SDK1: variants seen among roughly 807,000 people sequenced by gnomAD.
SDK1 encodes the protein protein sidekick-1.
In SDK1, 157 loss-of-function variants were observed where a neutral mutation model predicts 245.5. The ratio of observed to expected loss-of-function variants is 0.64; its 90% CI spans 0.56 to 0.73. SDK1 has a LOEUF of 0.73. SDK1 is among the 30% of genes least tolerant of loss of function. The probability of loss-of-function intolerance (pLI) is 0.00; values close to 1 mark genes in which losing one functional copy is unlikely to be tolerated. For missense variants in SDK1, 3,583 were observed against 3,002.3 expected (o/e 1.19, Z -4.52); for synonymous variants, 1,647 against 1,278.5 (o/e 1.29, Z -6.15).
At position 4,243,919 on chromosome 7, in the gene SDK1, G is replaced by A. The variant is rs183224569; in HGVS notation, c.6252-1757G>A. ...GTTGATTTATGTCTCCCCCGTGCAC[G>A]TTTGTGCTTCCAATTTCTTTTTGGG... On this transcript the variant is annotated intron_variant, in intron 43 of 44. Coordinates refer to ENST00000404826, the MANE Select transcript of SDK1 (RefSeq NM_152744.4). Among the ~76,000 whole-genome samples, 8 of 152,314 alleles carry A rather than the reference G, an allele frequency of 5.3e-5. No individual in the cohort carries two copies. The East Asian group carries it at 5.8e-4, about 11-fold the overall frequency.
chr7:3,972,160 A>G (rs1365327426), intron 12 of SDK1, among the ~76,000 whole-genome samples: 2 of 150,550 alleles, frequency 1.3e-5, no homozygotes, highest in African/African-American at 2.5e-5. Flanking sequence ...GCTCACTGCA[A>G]GCTCCACCTC....
intron 5 of SDK1, among the ~76,000 whole-genome samples, chr7:3,911,635 A>C (rs906924636): frequency 6.6e-6 from 1 of 152,074 alleles, no homozygotes; most frequent in Non-Finnish European, 1.5e-5. Context: ...TTTTGGGAGG[A>C]CACATTCAAA....
chr7:4,045,483 C>T lies in SDK1; in HGVS notation c.2603-3865C>T, dbSNP rs530479846. 1.6e-4 allele frequency among the ~76,000 whole-genome samples: 24 copies of T among 152,102 alleles called. 1 individual carries two copies. The South Asian group carries it at 4.8e-3, about 30-fold the overall frequency. On this transcript the variant is annotated intron_variant, in intron 17 of 44. Transcript: ENST00000404826. ...CTGGTTTCAACCTCCTGGGCTCAAGCGATCCTCCCACCTCGGCCTCCCAAA... is the reference window on the plus strand; with the variant it reads ...CTGGTTTCAACCTCCTGGGCTCAAGTGATCCTCCCACCTCGGCCTCCCAAA...
chr7:3,375,591 C>T (rs376898709), intron 1 of SDK1, among the ~76,000 whole-genome samples: 1 of 152,132 alleles, frequency 6.6e-6, no homozygotes, highest in Non-Finnish European at 1.5e-5. Flanking sequence ...GTCTTGTGCT[C>T]CCTTGCATCA....
At chr7:3,644,119 C>T (rs986764353) in intron 4 of SDK1, among the ~76,000 whole-genome samples, 3 of 150,798 alleles carry the variant, frequency 2.0e-5, no homozygotes, top group East Asian at 2.0e-4. Context: ...CCAGGCTAGT[C>T]TCGAAGTCCT....
rs1019187312 is a variant in SDK1, at chr7:3,974,565, G to C, written c.1994+20G>C. On this transcript the variant is annotated intron_variant, in intron 13 of 44. Transcript: ENST00000404826. Reference sequence around the variant, plus strand: ...AGTGATGTGAGTACTGAGACGTTTGGTGTTAGCCAGTCCGCGGTTTTCTCC... The same window carrying C: ...AGTGATGTGAGTACTGAGACGTTTGCTGTTAGCCAGTCCGCGGTTTTCTCC... 2 of 1,606,720 alleles carry C rather than the reference G, an allele frequency of 1.2e-6. No individual in the cohort carries two copies. Among genetic ancestry groups the C allele is most frequent in the Non-Finnish European group, 1.7e-6 (2 of 1,173,960 alleles).
At chr7:4,153,946 A>C (rs571916795) in intron 30 of SDK1, among the ~76,000 whole-genome samples, 1 of 151,974 alleles carries the variant, frequency 6.6e-6, no homozygotes, top group Non-Finnish European at 1.5e-5. Flanking sequence ...CTCCCACAGT[A>C]CTGGGATTAC....
At chr7:3,538,206 ATTTG>A (rs1778946930) in intron 1 of SDK1, among the ~76,000 whole-genome samples, 2 of 152,114 alleles carry the variant, frequency 1.3e-5, no homozygotes, top group Non-Finnish European at 2.9e-5. Flanking sequence ...TACATTGGCC[ATTTG>A]TTTGTCCCAT....
At chr7:3,388,545 T>G (rs1781666635) in intron 1 of SDK1, among the ~76,000 whole-genome samples, 1 of 152,134 alleles carries the variant, frequency 6.6e-6, no homozygotes, top group Non-Finnish European at 1.5e-5. Flanking sequence ...TTATTAAATC[T>G]CATTTAGAAA....
chr7:3,348,622 C>A (rs4722710), intron 1 of SDK1, among the ~76,000 whole-genome samples: 90,055 of 151,984 alleles, frequency 0.59, 27,642 homozygotes, highest in African/African-American at 0.77. Flanking sequence ...GGGCTATGGG[C>A]TCGTCTGCAC....
intron 1 of SDK1, among the ~76,000 whole-genome samples, chr7:3,365,109 T>G (rs1166566046): frequency 6.6e-6 from 1 of 152,216 alleles, no homozygotes; most frequent in Non-Finnish European, 1.5e-5. Context: ...TCCTGTGACC[T>G]TGCTGATTTG....
chr7:3,564,056 G>A (rs1241971764), intron 1 of SDK1, among the ~76,000 whole-genome samples: 2 of 151,884 alleles, frequency 1.3e-5, no homozygotes, highest in Non-Finnish European at 2.9e-5. Context: ...GTACTTAAAA[G>A]GACTTTATAG....
At chr7:3,960,563 G>A (rs1036344822) in intron 8 of SDK1, among the ~76,000 whole-genome samples, 3 of 152,188 alleles carry the variant, frequency 2.0e-5, no homozygotes, top group African/African-American at 7.2e-5. Context: ...TAGAGGGAAA[G>A]ATCAGCCTCT....
At chr7:3,910,376 G>T (rs532006276) in intron 5 of SDK1, among the ~76,000 whole-genome samples, 1 of 152,318 alleles carries the variant, frequency 6.6e-6, no homozygotes, top group East Asian at 1.9e-4. Context: ...CTGTGTTGGA[G>T]AATTTGCATG....
intron 1 of SDK1, among the ~76,000 whole-genome samples, chr7:3,513,684 T>C (rs1782649960): frequency 6.6e-6 from 1 of 152,196 alleles, no homozygotes; most frequent in South Asian, 2.1e-4. Context: ...AAATTTGTTA[T>C]GTGGGTCTGT....
In SDK1 at chr7:4,110,736, T is replaced by C. The variant is rs772512401; in HGVS notation, c.3398T>C (p.Leu1133Pro). The change falls in exon 23 of 45, where the codon CTG becomes CCG. Residue 1133 changes from leucine to proline, a missense_variant. Coordinates refer to ENST00000404826, the MANE Select transcript of SDK1 (RefSeq NM_152744.4). The stretch of plus-strand genomic sequence containing the variant: ...GAGAATGAGCCTGATGCCCAGATGC[T>C]GGAGATCCCAAACCTCACACCCTAC... The part of the protein sequence containing the change: ...EEENEPDAQM[L>P]EIPNLTPYTH... 1 of 1,613,892 alleles carries C rather than the reference T, an allele frequency of 6.2e-7. No individual in the cohort carries two copies. Among genetic ancestry groups the C allele is most frequent in the Non-Finnish European group, 8.5e-7 (1 of 1,179,846 alleles).
chr7:3,641,433 G>C (rs546544026), intron 3 of SDK1, among the ~76,000 whole-genome samples: 2 of 152,258 alleles, frequency 1.3e-5, no homozygotes, highest in East Asian at 3.9e-4. Flanking sequence ...CAGTATGAGA[G>C]TGGGAGAATA....
intron 1 of SDK1, among the ~76,000 whole-genome samples, chr7:3,314,184 T>C (rs898220758): frequency 6.6e-6 from 1 of 150,932 alleles, no homozygotes; most frequent in African/African-American, 2.5e-5. Flanking sequence ...GCAAGCCATG[T>C]TGGAATCTGG....
At position 4,017,282 on chromosome 7, in the gene SDK1, G is replaced by C. The variant is rs1178209198; in HGVS notation, c.2532G>C (p.Gln844His). The C allele has an allele frequency of 6.2e-7, 1 of 1,614,100 alleles. No individual in the cohort carries two copies. ...DLIIWTQYEI[Q>H]VAAYNGAGLG... ...TCATCTGGACACAGTATGAGATACA[G>C]GTGGCGGCGTACAACGGGGCCGGTC... The change falls in exon 17 of 45, where the codon CAG (glutamine) becomes CAC (histidine). Residue 844 changes from glutamine (Q) to histidine (H), a missense_variant. Physicochemically the swap from Gln to His is conservative, Grantham distance 24. Transcript: ENST00000404826.
Sources: gnomAD v4.1 joint callset for allele counts (sites outside exome capture counted in the v4.1 genomes callset) on GRCh38, gnomAD v4.1.1 for gene constraint, MANE v1.5 for transcripts, NCBI Gene and HGNC (gene_info 2026-07-23, HGNC 2026-07-21) for gene names.